Variants in RORA observed in about 807,000 individuals in gnomAD.
RORA encodes RAR related orphan receptor A.
Under a neutral mutation model 69.5 loss-of-function variants are expected in RORA, and 7 were observed. The ratio of observed to expected loss-of-function variants is 0.10; its 90% confidence interval spans 0.06 to 0.19. RORA has a LOEUF of 0.19. Among genes scored for constraint, RORA ranks in the 10% least tolerant of loss-of-function variants. The pLI is 1.00. For missense variants in RORA, 457 were observed against 663.0 expected (o/e 0.69, Z 3.41); for synonymous variants, 261 against 240.8 (o/e 1.08, Z -0.78).
intron 1 of RORA, among the ~76,000 whole-genome samples, chr15:60,860,026 C>T (rs904751455): frequency 1.3e-5 from 2 of 152,138 alleles, no homozygotes; most frequent in African/African-American, 2.4e-5. Context: ...CAGAACTGGA[C>T]GTGCCAAAAT....
intron 4 of RORA, among the ~76,000 whole-genome samples, chr15:60,513,467 G>A (rs1446703136): frequency 6.6e-6 from 1 of 152,202 alleles, no homozygotes; most frequent in Non-Finnish European, 1.5e-5. Context: ...ATTAACGACA[G>A]TAATTATATC....
chr15:60,589,670 T>C (rs1274382488), intron 2 of RORA, among the ~76,000 whole-genome samples: 1 of 152,220 alleles, frequency 6.6e-6, no homozygotes, highest in Non-Finnish European at 1.5e-5. Flanking sequence ...TGAAGATTTA[T>C]TACATTTGAG....
At chr15:60,641,368 C>T (rs543911274) in intron 2 of RORA, among the ~76,000 whole-genome samples, 44 of 152,198 alleles carry the variant, frequency 2.9e-4, no homozygotes, top group African/African-American at 1.1e-3. Flanking sequence ...ATAAAAATAT[C>T]GTCCTGAAAG....
chr15:61,121,714 T>C (rs374489079), intron 1 of RORA, among the ~76,000 whole-genome samples: 2 of 151,494 alleles, frequency 1.3e-5, no homozygotes, highest in Non-Finnish European at 1.5e-5. Context: ...ACGAAGCTCA[T>C]AGGAACAGGA....
rs1896910907 is a variant in RORA, at chr15:61,229,037, CT to C, written c.166+15del. 6.8e-7 allele frequency: 1 copy of C among 1,468,946 alleles called. No individual in the cohort carries two copies. 91.0% of individuals were successfully genotyped at this position (1,468,946 alleles called of 1,614,324 possible). Reference sequence around the variant, plus strand: ...GCTCCCGCCGCCCCCTCCCCAGCCCCTCTCCAGCCTCCTACCTCTGCTGGTG... The same window carrying C: ...GCTCCCGCCGCCCCCTCCCCAGCCCCCTCCAGCCTCCTACCTCTGCTGGTG... On this transcript the variant is annotated intron_variant, in intron 1 of 10. Coordinates refer to ENST00000335670, the MANE Select transcript of RORA (RefSeq NM_134261.3).
chr15:61,171,992 G>C (rs1420805398), intron 1 of RORA, among the ~76,000 whole-genome samples: 1 of 152,164 alleles, frequency 6.6e-6, no homozygotes, highest in East Asian at 1.9e-4. Flanking sequence ...AGGCTGAAGG[G>C]CATGCACATT....
At chr15:60,695,732 C>T (rs1328097091) in intron 1 of RORA, among the ~76,000 whole-genome samples, 1 of 152,082 alleles carries the variant, frequency 6.6e-6, no homozygotes, top group Non-Finnish European at 1.5e-5. Flanking sequence ...TGCCTCGCGC[C>T]CCCACGTCCC....
chr15:60,518,084 G>C (rs1024018460), intron 3 of RORA, among the ~76,000 whole-genome samples: 1 of 151,942 alleles, frequency 6.6e-6, no homozygotes, highest in Admixed American at 6.6e-5. Context: ...GGCTGGTCTC[G>C]AACTCCTGGG....
chr15:60,743,103 C>T (rs1225299258), intron 1 of RORA, among the ~76,000 whole-genome samples: 2 of 151,314 alleles, frequency 1.3e-5, no homozygotes, highest in Non-Finnish European at 2.9e-5. Context: ...CAACCTCCGC[C>T]CCCTGGGTTC....
chr15:61,103,768 A>T (rs1392621788), intron 1 of RORA, among the ~76,000 whole-genome samples: 1 of 152,176 alleles, frequency 6.6e-6, no homozygotes, highest in Non-Finnish European at 1.5e-5. Context: ...CAACACCAGG[A>T]TCATTTGCAT....
intron 1 of RORA, among the ~76,000 whole-genome samples, chr15:61,150,802 G>A (rs2079390864): frequency 2.0e-5 from 3 of 150,966 alleles, no homozygotes; most frequent in African/African-American, 7.3e-5. Flanking sequence ...GCAATGGTCT[G>A]AAAAAAAAAT....
chr15:60,870,741 C>T (rs897363049), intron 1 of RORA, among the ~76,000 whole-genome samples: 21 of 152,346 alleles, frequency 1.4e-4, no homozygotes, highest in African/African-American at 4.6e-4. Flanking sequence ...TGTCAGTGGT[C>T]ACAGGCATTT....
Position 61,147,252 on chromosome 15 carries a change from G to A in RORA, c.166+81801C>T, listed in dbSNP as rs2079358505. 1.3e-5 allele frequency among the ~76,000 whole-genome samples: 2 copies of A among 152,188 alleles called. No homozygotes were observed. The highest frequency in any genetic ancestry group is 4.8e-5 in the African/African-American group (2 of 41,442). On this transcript the variant is annotated intron_variant, in intron 1 of 10. Coordinates refer to ENST00000335670, the MANE Select transcript of RORA (RefSeq NM_134261.3). This position sits in a 1 kb window ranked among gnomAD's most constrained non-coding sequence, Gnocchi z 4.1. ...TCCACCACCCAAGAGAACCGTAAAG[G>A]TGGAAAGGGGCATTAAAGGAGCTCA...
chr15:60,982,997 C>T (rs946878604), intron 1 of RORA, among the ~76,000 whole-genome samples: 2 of 152,080 alleles, frequency 1.3e-5, no homozygotes, highest in African/African-American at 4.8e-5. Context: ...CTTTATAGAC[C>T]TTGAAGAAGA....
chr15:60,948,371 C>A (rs767772344), intron 1 of RORA, among the ~76,000 whole-genome samples: 3 of 152,024 alleles, frequency 2.0e-5, no homozygotes, highest in African/African-American at 4.8e-5. Context: ...TTTTTTCTTT[C>A]CACTCCAAAA....
At chr15:60,706,530 T>C (rs2071065247) in intron 1 of RORA, among the ~76,000 whole-genome samples, 1 of 152,196 alleles carries the variant, frequency 6.6e-6, no homozygotes, top group Non-Finnish European at 1.5e-5. Context: ...CAATAGGAGA[T>C]ACACTACAAG....
chr15:60,743,564 T>G (rs989213385), intron 1 of RORA, among the ~76,000 whole-genome samples: 16 of 152,354 alleles, frequency 1.1e-4, no homozygotes, highest in South Asian at 4.1e-4. Flanking sequence ...GTCACTCTGC[T>G]ATAGACACTG....
intron 1 of RORA, among the ~76,000 whole-genome samples, chr15:61,090,498 T>C (rs10519111): frequency 0.11 from 16,393 of 152,244 alleles, 1,172 homozygotes; most frequent in Non-Finnish European, 0.16. Flanking sequence ...GCTGCTAAAA[T>C]GTACTCATTG....
chr15:60,688,431 A>T (rs921443023), intron 1 of RORA, among the ~76,000 whole-genome samples: 1 of 152,308 alleles, frequency 6.6e-6, no homozygotes, highest in East Asian at 1.9e-4. Flanking sequence ...AGTTAATATT[A>T]AATAACTATT....
Sources: allele counts gnomAD v4.1 joint callset (sites outside exome capture counted in the v4.1 genomes callset), GRCh38; gene constraint gnomAD v4.1.1; non-coding constraint Gnocchi (gnomAD v3.1); transcripts MANE v1.5; gene names NCBI Gene and HGNC (gene_info 2026-07-23, HGNC 2026-07-21).